MLF2: variants seen among roughly 807,000 people sequenced by gnomAD.
MLF2 encodes myelodysplasia-myeloid leukemia factor 2.
Under a neutral mutation model 31.4 loss-of-function variants are expected in MLF2, and 12 were observed. That is an observed-to-expected ratio of 0.38 (90% CI 0.24 to 0.62). The LOEUF (loss-of-function observed/expected upper bound fraction) is 0.62, where lower values mean the gene tolerates loss of function less well. Ranked by LOEUF, MLF2 falls within the 20% of genes least tolerant of loss-of-function variation. MLF2 has a pLI of 0.58. For synonymous variants in MLF2, 109 were observed against 118.8 expected (o/e 0.92, Z 0.54); for missense variants, 272 against 359.7 (o/e 0.76, Z 1.97).
chr12:6,750,976 A>G lies in MLF2; in HGVS notation c.217-210T>C. ...GCTGACCCCTTCCTCAGTCTCTGTG[A>G]CTGCTGTGATCCAATTTTCCTTCTC... On this transcript the variant is annotated intron_variant, in intron 4 of 8. Transcript: ENST00000203630. This position sits in a 1 kb window ranked among gnomAD's most constrained non-coding sequence, Gnocchi z 5.3. The G allele has an allele frequency of 1.8e-6, 1 of 553,320 alleles. No homozygotes were observed. Among genetic ancestry groups the G allele is most frequent in the Non-Finnish European group, 3.3e-6 (1 of 305,742 alleles). The allele number at this position is 553,320 out of a possible 1,614,324, so 34.3% of individuals were successfully genotyped here. A position where few individuals can be genotyped will look rare whatever the true frequency, so the allele number is the denominator to read the frequency against.
rs12309715 is a variant in MLF2 at position 6,752,762 on chromosome 12, G to T, written c.-29+177C>A. 0.057 allele frequency: 9,812 copies of T among 170,702 alleles called. 341 individuals carry two copies. Among genetic ancestry groups the T allele is most frequent in the African/African-American group, 0.09 (3,784 of 42,036 alleles). The allele number at this position is 170,702 out of a possible 1,614,324, so 10.6% of individuals were successfully genotyped here. A position where few individuals can be genotyped will look rare whatever the true frequency, so the allele number is the denominator to read the frequency against. On this transcript the variant is annotated intron_variant, in intron 1 of 8. Coordinates refer to ENST00000203630, the MANE Select transcript of MLF2 (RefSeq NM_001382226.1). This position sits in a 1 kb window ranked among gnomAD's most constrained non-coding sequence, Gnocchi z 4.6. Reference sequence around the variant, plus strand: ...TTACACTCAGGCCTCCCCCAGGCGGGCCTCACTAAGCCCCCCGCGCCTGTC... The same window carrying T: ...TTACACTCAGGCCTCCCCCAGGCGGTCCTCACTAAGCCCCCCGCGCCTGTC...
In MLF2 at chr12:6,750,368, C is replaced by A; in HGVS notation, c.271-63G>T. On this transcript the variant is annotated intron_variant, in intron 5 of 8. Transcript: ENST00000203630. This position sits in a 1 kb window ranked among gnomAD's most constrained non-coding sequence, Gnocchi z 5.3. ...GGCATCACCCCTGGTGAAGGGATTT[C>A]ACCCTTCAGCTGCCTGTTCTAGCCT... 6.4e-7 allele frequency: 1 copy of A among 1,561,034 alleles called. No homozygotes were observed. Among genetic ancestry groups the A allele is most frequent in the Non-Finnish European group, 8.7e-7 (1 of 1,144,256 alleles).
At position 6,749,756 on chromosome 12, in the gene MLF2, CAG is replaced by C; in HGVS notation, c.559+90_559+91del. 1 of 1,505,290 alleles carries C rather than the reference CAG, an allele frequency of 6.6e-7. No homozygotes were observed. Among genetic ancestry groups the C allele is most frequent in the South Asian group, 1.2e-5 (1 of 83,718 alleles). The allele number at this position is 1,505,290 out of a possible 1,614,324, so 93.2% of individuals were successfully genotyped here. The stretch of plus-strand genomic sequence containing the variant: ...AAAAAAAAGGAATATGGGGCTGACC[CAG>C]AGCTTTGCCCCAGAAGTGTCTATGT... On this transcript the variant is annotated intron_variant, in intron 7 of 8. Transcript: ENST00000203630. This position sits in a 1 kb window ranked among gnomAD's most constrained non-coding sequence, Gnocchi z 5.3.
At position 6,748,633 on chromosome 12, in the gene MLF2, G is replaced by A; in HGVS notation, c.*26-86C>T. 4 of 688,616 alleles carry A rather than the reference G, an allele frequency of 5.8e-6. No individual in the cohort carries two copies. Among genetic ancestry groups the A allele is most frequent in the African/African-American group, 3.8e-5 (2 of 53,002 alleles). The allele number at this position is 688,616 out of a possible 1,614,324, so 42.7% of individuals were successfully genotyped here. A position where few individuals can be genotyped will look rare whatever the true frequency, so the allele number is the denominator to read the frequency against. On this transcript the variant is annotated intron_variant, in intron 8 of 8. Transcript: ENST00000203630. The surrounding 1 kb of genome is among the most constrained non-coding windows in gnomAD (Gnocchi z 4.6). ...CAGGAGTTGGGGTTTAATCCCCTAT[G>A]TCAGTGAGAACATTGTTCTCTTTCC...
In MLF2 at chr12:6,748,763, T is replaced by G. The variant is rs1941563472; in HGVS notation, c.*25+7A>C. 1 of 1,494,600 alleles carries G rather than the reference T, an allele frequency of 6.7e-7. No homozygotes were observed. The highest frequency in any genetic ancestry group is 1.5e-5 in the African/African-American group (1 of 68,508). 92.6% of individuals were successfully genotyped at this position (1,494,600 alleles called of 1,614,324 possible). A position where few individuals can be genotyped will look rare whatever the true frequency, so the allele number is the denominator to read the frequency against. On this transcript the variant is annotated splice_region_variant and intron_variant, in intron 8 of 8. Transcript: ENST00000203630. The surrounding 1 kb of genome is among the most constrained non-coding windows in gnomAD (Gnocchi z 4.6). ...TGCACCCCACCCTCCTTACTCCTGATACTTACAAGAGAGGCTGAGGGCCCG... is the reference window on the plus strand; with the variant it reads ...TGCACCCCACCCTCCTTACTCCTGAGACTTACAAGAGAGGCTGAGGGCCCG...
Position 6,748,775 on chromosome 12 carries a change from AG to A in MLF2, c.*19del. 1.3e-6 allele frequency: 2 copies of A among 1,508,686 alleles called. No individual in the cohort carries two copies. The highest frequency in any genetic ancestry group is 1.8e-6 in the Non-Finnish European group (2 of 1,135,974). 93.5% of individuals were successfully genotyped at this position (1,508,686 alleles called of 1,614,324 possible). A position where few individuals can be genotyped will look rare whatever the true frequency, so the allele number is the denominator to read the frequency against. ...TCCTTACTCCTGATACTTACAAGAG[AG>A]GCTGAGGGCCCGGGGCCCTCACCAG... is the stretch of plus-strand genomic sequence containing the variant. On this transcript the variant is annotated 3_prime_UTR_variant, in exon 8 of 9. Transcript: ENST00000203630. The surrounding 1 kb of genome is among the most constrained non-coding windows in gnomAD (Gnocchi z 4.6).
Position 6,751,659 on chromosome 12 carries a change from G to T in MLF2, c.198C>A (p.Pro66=), listed in dbSNP as rs771109658. The T allele has an allele frequency of 2.9e-5, 46 of 1,613,978 alleles. No homozygotes were observed. The highest frequency in any genetic ancestry group is 3.7e-5 in the Non-Finnish European group (44 of 1,179,954). ...RRMQQAGAVS[P]FGMLGMSGGF... ...GACTCACCATTCCCAGCATCCCAAA[G>T]GGGGAGACAGCTCCAGCCTACAGGA... The change falls in exon 4 of 9, where the codon CCC becomes CCA. Residue 66 remains proline (P), a synonymous_variant. Transcript: ENST00000203630.
rs777074057 is a variant in MLF2 at position 6,752,060 on chromosome 12, G to A, written c.51-6C>T. The stretch of plus-strand genomic sequence containing the variant: ...GGTGAATAGCAAAGGGATCCCTGTG[G>A]AGTGAGCACATAGTATGGATGGCAG... On this transcript the variant is annotated splice_region_variant and splice_polypyrimidine_tract_variant and intron_variant, in intron 2 of 8. Coordinates refer to ENST00000203630, the MANE Select transcript of MLF2 (RefSeq NM_001382226.1). The surrounding 1 kb of genome is among the most constrained non-coding windows in gnomAD (Gnocchi z 4.6). 3.7e-6 allele frequency: 6 copies of A among 1,613,988 alleles called. No individual in the cohort carries two copies. The highest frequency in any genetic ancestry group is 5.1e-6 in the Non-Finnish European group (6 of 1,179,856).
Position 6,750,825 on chromosome 12 carries a change from C to T in MLF2, c.217-59G>A. 6.6e-7 allele frequency: 1 copy of T among 1,518,638 alleles called. No individual in the cohort carries two copies. The allele number at this position is 1,518,638 out of a possible 1,614,324, so 94.1% of individuals were successfully genotyped here. A position where few individuals can be genotyped will look rare whatever the true frequency, so the allele number is the denominator to read the frequency against. On this transcript the variant is annotated intron_variant, in intron 4 of 8. Coordinates refer to ENST00000203630, the MANE Select transcript of MLF2 (RefSeq NM_001382226.1). This position sits in a 1 kb window ranked among gnomAD's most constrained non-coding sequence, Gnocchi z 5.3. ...AGCAAAGTCAGTGTTCAGAGTTGAT[C>T]CTGTTTAGGAACCCACAACCCACAT...
At position 6,750,052 on chromosome 12, in the gene MLF2, G is replaced by C; in HGVS notation, c.400-45C>G. ...GGCACACTCAGCCGCCCCTTCCAAA[G>C]CCCTGCCTATACCATCTCAGGATAA... is the stretch of plus-strand genomic sequence containing the variant. On this transcript the variant is annotated intron_variant, in intron 6 of 8. Transcript: ENST00000203630. This position sits in a 1 kb window ranked among gnomAD's most constrained non-coding sequence, Gnocchi z 5.3. The C allele has an allele frequency of 6.2e-7, 1 of 1,612,768 alleles. No individual in the cohort carries two copies. Among genetic ancestry groups the C allele is most frequent in the South Asian group, 1.1e-5 (1 of 91,034 alleles).
chr12:6,752,230 C>A lies in MLF2; in HGVS notation c.50+55G>T. The A allele has an allele frequency of 6.4e-7, 1 of 1,550,554 alleles. No individual in the cohort carries two copies. Among genetic ancestry groups the A allele is most frequent in the South Asian group, 1.2e-5 (1 of 84,674 alleles). On this transcript the variant is annotated intron_variant, in intron 2 of 8. Transcript: ENST00000203630. The surrounding 1 kb of genome is among the most constrained non-coding windows in gnomAD (Gnocchi z 4.6). The stretch of plus-strand genomic sequence containing the variant: ...CTAGCAATGGGAACCCCGATGTCTG[C>A]CTGAACTGCTCAGAGACCTGGAGTG...
In MLF2 at chr12:6,750,942, C is replaced by T. The variant is rs1941604567; in HGVS notation, c.217-176G>A. ...AACCAGAATACTCATATTTCTCCTC[C>T]TGTGAACTGCTGACCCCTTCCTCAG... is the stretch of plus-strand genomic sequence containing the variant. On this transcript the variant is annotated intron_variant, in intron 4 of 8. Coordinates refer to ENST00000203630, the MANE Select transcript of MLF2 (RefSeq NM_001382226.1). The surrounding 1 kb of genome is among the most constrained non-coding windows in gnomAD (Gnocchi z 5.3). 1.6e-6 allele frequency: 1 copy of T among 618,858 alleles called. No individual in the cohort carries two copies. The highest frequency in any genetic ancestry group is 1.8e-5 in the African/African-American group (1 of 54,616). 38.3% of individuals were successfully genotyped at this position (618,858 alleles called of 1,614,324 possible). A position where few individuals can be genotyped will look rare whatever the true frequency, so the allele number is the denominator to read the frequency against.
Position 6,750,411 on chromosome 12 carries a change from T to C in MLF2, c.271-106A>G. ...TCTAGCCTGTATCTTTCTCACAAAA[T>C]GCAAGAACTGAAAAAACATCAGGCC... On this transcript the variant is annotated intron_variant, in intron 5 of 8. Coordinates refer to ENST00000203630, the MANE Select transcript of MLF2 (RefSeq NM_001382226.1). This position sits in a 1 kb window ranked among gnomAD's most constrained non-coding sequence, Gnocchi z 5.3. 7.0e-7 allele frequency: 1 copy of C among 1,423,590 alleles called. No homozygotes were observed. The highest frequency in any genetic ancestry group is 2.3e-5 in the East Asian group (1 of 43,744). 88.2% of individuals were successfully genotyped at this position (1,423,590 alleles called of 1,614,324 possible).
At position 6,753,098 on chromosome 12, in the gene MLF2, C is replaced by T. The variant is rs1261035317; in HGVS notation, c.-188G>A. 1 of 392,540 alleles carries T rather than the reference C, an allele frequency of 2.5e-6. No individual in the cohort carries two copies. Among genetic ancestry groups the T allele is most frequent in the East Asian group, 3.6e-5 (1 of 27,802 alleles). The allele number at this position is 392,540 out of a possible 1,614,324, so 24.3% of individuals were successfully genotyped here. On this transcript the variant is annotated 5_prime_UTR_variant, in exon 1 of 9. Transcript: ENST00000203630. ...ACAGCTGCCACCTCCGTACGGCCCC[C>T]TCGGCCAACGGAGCCCGAACCTCGG...
Position 6,752,137 on chromosome 12 carries a change from G to A in MLF2, c.51-83C>T. Reference sequence around the variant, plus strand: ...CACCCTGCAAAAAAATACGCACAGAGCAACAGTGGCACCGATGCCTACTTC... The same window carrying A: ...CACCCTGCAAAAAAATACGCACAGAACAACAGTGGCACCGATGCCTACTTC... On this transcript the variant is annotated intron_variant, in intron 2 of 8. Transcript: ENST00000203630. The surrounding 1 kb of genome is among the most constrained non-coding windows in gnomAD (Gnocchi z 4.6). 3 of 1,594,316 alleles carry A rather than the reference G, an allele frequency of 1.9e-6. No homozygotes were observed. The highest frequency in any genetic ancestry group is 2.6e-6 in the Non-Finnish European group (3 of 1,166,232).
Position 6,749,650 on chromosome 12 carries a change from G to A in MLF2, c.559+198C>T. ...GAATTGCTTAAACCCGGGAGGCGGA[G>A]GTTGCAGTGAGCTGAGATCGCGCCA... On this transcript the variant is annotated intron_variant, in intron 7 of 8. Transcript: ENST00000203630. This position sits in a 1 kb window ranked among gnomAD's most constrained non-coding sequence, Gnocchi z 5.3. 1 of 646,734 alleles carries A rather than the reference G, an allele frequency of 1.5e-6. No individual in the cohort carries two copies. The highest frequency in any genetic ancestry group is 2.6e-6 in the Non-Finnish European group (1 of 389,040). The allele number at this position is 646,734 out of a possible 1,614,324, so 40.1% of individuals were successfully genotyped here. A position where few individuals can be genotyped will look rare whatever the true frequency, so the allele number is the denominator to read the frequency against.
In MLF2 at chr12:6,750,507, A is replaced by C; in HGVS notation, c.271-202T>G. 1 of 884,318 alleles carries C rather than the reference A, an allele frequency of 1.1e-6. No homozygotes were observed. The highest frequency in any genetic ancestry group is 1.7e-5 in the African/African-American group (1 of 59,176). The allele number at this position is 884,318 out of a possible 1,614,324, so 54.8% of individuals were successfully genotyped here. Reference sequence around the variant, plus strand: ...AAGGACCTGAAGAGACAGGGCCTTAATTGTATGCTACGTAAGAGAGCTGCT... The same window carrying C: ...AAGGACCTGAAGAGACAGGGCCTTACTTGTATGCTACGTAAGAGAGCTGCT... On this transcript the variant is annotated intron_variant, in intron 5 of 8. Coordinates refer to ENST00000203630, the MANE Select transcript of MLF2 (RefSeq NM_001382226.1). This position sits in a 1 kb window ranked among gnomAD's most constrained non-coding sequence, Gnocchi z 5.3.
Position 6,752,034 on chromosome 12 carries a change from C to A in MLF2, c.71G>T (p.Arg24Leu). 1 of 1,614,132 alleles carries A rather than the reference C, an allele frequency of 6.2e-7. No homozygotes were observed. The highest frequency in any genetic ancestry group is 1.1e-5 in the South Asian group (1 of 91,076). ...MFLMDPFAIH[R>L]QHMSRMLSGG... ...TGACAACATACGGCTCATATGCTGACGGTGAATAGCAAAGGGATCCCTGTG... is the reference window on the plus strand; with the variant it reads ...TGACAACATACGGCTCATATGCTGAAGGTGAATAGCAAAGGGATCCCTGTG... Residue 24 changes from arginine to leucine, a missense_variant, in exon 3 of 9, where the codon CGT becomes CTT. Physicochemically the swap from Arg to Leu is moderately radical, Grantham distance 102. Coordinates refer to ENST00000203630, the MANE Select transcript of MLF2 (RefSeq NM_001382226.1). This position sits in a 1 kb window ranked among gnomAD's most constrained non-coding sequence, Gnocchi z 4.6.
At position 6,750,481 on chromosome 12, in the gene MLF2, G is replaced by A; in HGVS notation, c.271-176C>T. 1 of 937,682 alleles carries A rather than the reference G, an allele frequency of 1.1e-6. No homozygotes were observed. Among genetic ancestry groups the A allele is most frequent in the South Asian group, 1.7e-5 (1 of 58,592 alleles). The allele number at this position is 937,682 out of a possible 1,614,324, so 58.1% of individuals were successfully genotyped here. ...TTCCTCTGAGTCCAACCACGAGCAA[G>A]AAGGACCTGAAGAGACAGGGCCTTA... On this transcript the variant is annotated intron_variant, in intron 5 of 8. Coordinates refer to ENST00000203630, the MANE Select transcript of MLF2 (RefSeq NM_001382226.1). This position sits in a 1 kb window ranked among gnomAD's most constrained non-coding sequence, Gnocchi z 5.3.
Sources: allele counts gnomAD v4.1 joint callset, GRCh38; gene constraint gnomAD v4.1.1; non-coding constraint Gnocchi (gnomAD v3.1); transcripts MANE v1.5; gene names NCBI Gene and HGNC (gene_info 2026-07-23, HGNC 2026-07-21).